SPG7: variants seen among roughly 807,000 people sequenced by gnomAD.
SPG7 encodes the protein SPG7 matrix AAA peptidase subunit, paraplegin.
A neutral mutation model predicts 81.9 loss-of-function variants in SPG7; 103 were observed. The observed-to-expected ratio is 1.26, with a 90% confidence interval of 1.07 to 1.48. SPG7 has a LOEUF of 1.48. SPG7 is among the 40% of genes most tolerant of loss of function. The pLI is 0.00. For synonymous variants in SPG7, 534 were observed against 444.2 expected (o/e 1.20, Z -2.54); for missense variants, 1,241 against 1,087.3 (o/e 1.14, Z -1.99).
intron 15 of SPG7, 21 bp downstream of exon 15, chr16:89,553,981 C>T (rs754428967): frequency 7.5e-6 from 12 of 1,608,632 alleles, no homozygotes; most frequent in Non-Finnish European, 1.0e-5. Context: ...TCTGGCCACA[C>T]CGCTGCCCTC....
intron 9 of SPG7, 41 bp from the exon 10 acceptor site, chr16:89,544,607 G>T (rs746315379): frequency 6.2e-7 from 1 of 1,612,748 alleles, no homozygotes; most frequent in South Asian, 1.1e-5. Flanking sequence ...GTTGTGTCAG[G>T]ACCCCTACCC....
chr16:89,554,494 ACTGCTGGTGGCCAAGGC>A lies in SPG7; in HGVS notation c.2115_2131del (p.Leu706GlnfsTer30), dbSNP rs748255454. The stretch of plus-strand genomic sequence containing the variant: ...GTTCCCTCCACTCACAGGAAGCAAG[ACTGCTGGTGGCCAAGGC>A]CTACAGACACACCGAGAAGGTGCTG... On this transcript the variant is annotated frameshift_variant, in exon 16 of 17. Transcript: ENST00000645818. LOFTEE classifies it high-confidence loss of function. The A allele has an allele frequency of 5.0e-6, 8 of 1,608,424 alleles. No homozygotes were observed. The highest frequency in any genetic ancestry group is 5.9e-6 in the Non-Finnish European group (7 of 1,179,336).
chr16:89,524,682 T>A (rs548636187), intron 4 of SPG7, among the ~76,000 whole-genome samples: 1 of 152,154 alleles, frequency 6.6e-6, no homozygotes, highest in East Asian at 1.9e-4. Context: ...TGACCTCAGG[T>A]GATCTGCCCA....
At chr16:89,535,523 T>C (rs1156300816) in intron 9 of SPG7, among the ~76,000 whole-genome samples, 1 of 152,214 alleles carries the variant, frequency 6.6e-6, no homozygotes, top group African/African-American at 2.4e-5. Flanking sequence ...AACTAACGCG[T>C]GAGCAACCGA....
chr16:89,526,267 A>T, intron 4 of SPG7, 62 bp from the exon 5 acceptor site: 1 of 1,603,546 alleles, frequency 6.2e-7, no homozygotes, highest in Non-Finnish European at 8.5e-7. Context: ...CTCTCTGTTG[A>T]CTGTAGGGTT....
rs994962742 is a variant in SPG7 at position 89,554,081 on chromosome 16, G to T, written c.2103+121G>T. ...GAGCTCAGCTGCAGGCCCCACCTGG[G>T]TTTCTTCCTTCTGGGCTCTGCTGTA... is the stretch of plus-strand genomic sequence containing the variant. On this transcript the variant is annotated intron_variant, in intron 15 of 16. Transcript: ENST00000645818. The T allele has an allele frequency of 2.9e-6, 3 of 1,034,984 alleles. No individual in the cohort carries two copies. In the African/African-American group the frequency reaches 4.7e-5, roughly 16 times the overall value. The allele number at this position is 1,034,984 out of a possible 1,614,324, so 64.1% of individuals were successfully genotyped here. A position where few individuals can be genotyped will look rare whatever the true frequency, so the allele number is the denominator to read the frequency against.
At chr16:89,537,400 C>T (rs1342069870) in intron 9 of SPG7, 18 of 1,063,118 alleles carry the variant, frequency 1.7e-5, no homozygotes, top group Non-Finnish European at 1.7e-5. Context: ...TGACCACACG[C>T]GGGAGCTGCG....
rs1371431327 is a variant in SPG7 at position 89,511,382 on chromosome 16, G to A, written c.286+790G>A. On this transcript the variant is annotated intron_variant, in intron 2 of 16. Transcript: ENST00000645818. ...TGGCTTTAGGTTAAAGAACCTGAAG[G>A]ATTGACACCTCTCACTTTTATTTCA... 3.9e-5 allele frequency among the ~76,000 whole-genome samples: 6 copies of A among 152,188 alleles called. 1 individual carries two copies. The highest frequency in any genetic ancestry group is 8.8e-5 in the Non-Finnish European group (6 of 68,042).
At chr16:89,556,483 C>G (rs1299837069) in intron 16 of SPG7, 1 of 310,544 alleles carries the variant, frequency 3.2e-6, no homozygotes. Context: ...CAGAAATTCA[C>G]TTCCCCAACT....
intron 3 of SPG7, chr16:89,520,879 T>A (rs60997773): frequency 0.43 from 65,584 of 152,054 alleles, 14,748 homozygotes; most frequent in East Asian, 0.67. Flanking sequence ...TAGGTTAAAG[T>A]TTCAGAAGTA....
At chr16:89,537,875 C>A in intron 9 of SPG7, 2 of 689,300 alleles carry the variant, frequency 2.9e-6, no homozygotes, top group Non-Finnish European at 3.6e-6. Flanking sequence ...ATGTATCAAG[C>A]ACGCTCTGCC....
intron 16 of SPG7, 51 bp from the exon 17 acceptor site, chr16:89,556,836 A>C: frequency 2.1e-6 from 3 of 1,417,430 alleles, no homozygotes; most frequent in Non-Finnish European, 3.0e-6. Context: ...GGACATAGAG[A>C]TGCTCTGTCT....
rs956304326 is a variant in SPG7 at position 89,508,467 on chromosome 16, C to T, written c.50C>T (p.Pro17Leu). 13 of 1,508,036 alleles carry T rather than the reference C, an allele frequency of 8.6e-6. No individual in the cohort carries two copies. Among genetic ancestry groups the T allele is most frequent in the African/African-American group, 4.3e-5 (3 of 69,052 alleles). 93.4% of individuals were successfully genotyped at this position (1,508,036 alleles called of 1,614,324 possible). ...CGTGCCCTCCGCCGGGGTCCAGGCCCGGGTCCTCGGCCGCTGTGGGGCCCA... is the reference window on the plus strand; with the variant it reads ...CGTGCCCTCCGCCGGGGTCCAGGCCTGGGTCCTCGGCCGCTGTGGGGCCCA... ...LLRALRRGPG[P>L]GPRPLWGPGP... Residue 17 changes from proline (P) to leucine (L), a missense_variant, in exon 1 of 17, where the codon CCG becomes CTG. Physicochemically the swap from Pro to Leu is moderately conservative, Grantham distance 98. Transcript: ENST00000645818.
rs1597669353 is a variant in SPG7, at chr16:89,557,406, C to T, written c.*313C>T. On this transcript the variant is annotated 3_prime_UTR_variant, in exon 17 of 17. Transcript: ENST00000645818. Reference sequence around the variant, plus strand: ...CGTTCCCAGTGTGGCTGAGGCCACCCAGAGGCAGCAGAGCATTCAGACTCC... The same window carrying T: ...CGTTCCCAGTGTGGCTGAGGCCACCTAGAGGCAGCAGAGCATTCAGACTCC... The T allele has an allele frequency of 5.0e-6, 2 of 403,048 alleles. No homozygotes were observed. The highest frequency in any genetic ancestry group is 2.4e-5 in the South Asian group (1 of 41,786). The allele number at this position is 403,048 out of a possible 1,614,324, so 25.0% of individuals were successfully genotyped here.
In SPG7 at chr16:89,508,639, G is replaced by C. The variant is rs1194983785; in HGVS notation, c.183+39G>C. The C allele has an allele frequency of 1.0e-5, 15 of 1,435,216 alleles. No individual in the cohort carries two copies. In the African/African-American group the frequency reaches 1.3e-4, roughly 13 times the overall value. The allele number at this position is 1,435,216 out of a possible 1,614,324, so 88.9% of individuals were successfully genotyped here. On this transcript the variant is annotated intron_variant, in intron 1 of 16. Coordinates refer to ENST00000645818, the MANE Select transcript of SPG7 (RefSeq NM_003119.4). ...GAGTCCGGGCCCCACCTCCCGCCCG[G>C]CTCTGCTCTGTAAGGCCCAGCCCGG...
chr16:89,534,328 C>G (rs1343842183), intron 9 of SPG7, among the ~76,000 whole-genome samples: 2 of 152,310 alleles, frequency 1.3e-5, no homozygotes, highest in East Asian at 3.9e-4. Flanking sequence ...GGGCACGTGT[C>G]AGGATTTCCT....
intron 16 of SPG7, 62 bp downstream of exon 16, chr16:89,554,625 T>C: frequency 9.2e-7 from 1 of 1,090,296 alleles, no homozygotes; most frequent in Non-Finnish European, 1.4e-6. Flanking sequence ...GCACCCACGG[T>C]CCCCACCCCT....
At chr16:89,529,768 C>G in intron 6 of SPG7, 189 bp downstream of exon 6, 1 of 653,276 alleles carries the variant, frequency 1.5e-6, no homozygotes, top group South Asian at 1.7e-5. Flanking sequence ...CCAATGTTGC[C>G]TGAGGGCCTC....
intron 3 of SPG7, among the ~76,000 whole-genome samples, chr16:89,513,684 G>C (rs951505892): frequency 1.3e-5 from 2 of 152,142 alleles, no homozygotes; most frequent in South Asian, 2.1e-4. Flanking sequence ...ACAGCCCCAG[G>C]GGGCAGAAGG....
Sources: gnomAD v4.1 joint callset for allele counts (sites outside exome capture counted in the v4.1 genomes callset) on GRCh38, gnomAD v4.1.1 for gene constraint, MANE v1.5 for transcripts, NCBI Gene and HGNC (gene_info 2026-07-23, HGNC 2026-07-21) for gene names.